The following SLC36A1 variants were observed in gnomAD, a reference collection of about 807,000 sequenced individuals.
SLC36A1 encodes proton-coupled amino acid transporter 1.
SLC36A1 carries 30 observed loss-of-function variants against 47.5 expected under a neutral mutation model. The observed-to-expected ratio is 0.63, with a 90% CI of 0.47 to 0.86. The LOEUF (loss-of-function observed/expected upper bound fraction) is 0.86. Ranked by LOEUF, SLC36A1 falls within the 40% of genes least tolerant of loss-of-function variation. The pLI is 0.00. For synonymous variants in SLC36A1, 255 were observed against 249.7 expected, an observed-to-expected ratio of 1.02 and a Z score of -0.20; for missense variants, 517 against 606.0, an observed-to-expected ratio of 0.85 and a Z score of 1.54.
the SLC36A1 span, among the ~76,000 whole-genome samples, chr5:151,379,351 G>T: frequency 6.6e-6 from 1 of 152,136 alleles, no homozygotes. Context: ...TTATTTATTT[G>T]AGACAGAGTT....
the SLC36A1 span, chr5:151,540,880 C>T: frequency 1.1e-6 from 1 of 894,286 alleles, no homozygotes; most frequent in Non-Finnish European, 1.6e-6. Flanking sequence ...GCAAACATTT[C>T]CTTCCTTAAC....
chr5:151,401,062 C>A, the SLC36A1 span, among the ~76,000 whole-genome samples: 1 of 152,070 alleles, frequency 6.6e-6, no homozygotes, highest in Non-Finnish European at 1.5e-5. Context: ...GTTGTAATTG[C>A]TTTTGAGGGC....
chr5:151,481,681 T>TC (rs767560177), intron 10 of SLC36A1, among the ~76,000 whole-genome samples: 4 of 151,592 alleles, frequency 2.6e-5, no homozygotes, highest in Non-Finnish European at 5.9e-5. Context: ...CTCACCACTC[T>TC]CCCCCATCCT....
Position 151,492,198 on chromosome 5 carries a change from G to C in SLC36A1, c.*3944G>C, listed in dbSNP as rs1352384584. 1 of 152,192 alleles carries C rather than the reference G, an allele frequency of 6.6e-6. No individual in the cohort carries two copies. The highest frequency in any genetic ancestry group is 1.5e-5 in the Non-Finnish European group (1 of 68,044). 9.4% of individuals were successfully genotyped at this position (152,192 alleles called of 1,614,324 possible). A position where few individuals can be genotyped will look rare whatever the true frequency, so the allele number is the denominator to read the frequency against. Reference sequence around the variant, plus strand: ...TGTGTGAAGAAAAATCAACCAATCTGTAGGTGTTGATAACTAGACAGTACT... The same window carrying C: ...TGTGTGAAGAAAAATCAACCAATCTCTAGGTGTTGATAACTAGACAGTACT... On this transcript the variant is annotated 3_prime_UTR_variant, in exon 11 of 11. Transcript: ENST00000243389.
At chr5:151,518,060 G>A in the SLC36A1 span, among the ~76,000 whole-genome samples, 1 of 152,174 alleles carries the variant, frequency 6.6e-6, no homozygotes, top group African/African-American at 2.4e-5. Context: ...TCCAGGTGAG[G>A]TGGCTCATGC....
the SLC36A1 span, among the ~76,000 whole-genome samples, chr5:151,514,554 G>A: frequency 2.0e-5 from 3 of 152,210 alleles, no homozygotes; most frequent in African/African-American, 7.2e-5. Flanking sequence ...TTGCTCACGA[G>A]CCTCTCTTTA....
the SLC36A1 span, among the ~76,000 whole-genome samples, chr5:151,428,285 A>T: frequency 4.6e-5 from 7 of 152,174 alleles, no homozygotes; most frequent in Non-Finnish European, 1.0e-4. Flanking sequence ...GATGACCTCC[A>T]TGGTGTTGTC....
At chr5:151,524,981 A>G in the SLC36A1 span, among the ~76,000 whole-genome samples, 1 of 152,044 alleles carries the variant, frequency 6.6e-6, no homozygotes, top group Admixed American at 6.6e-5. Context: ...TTATCTGTTT[A>G]TTGTTTATCT....
At chr5:151,382,262 CT>C in the SLC36A1 span, 1 of 1,326,142 alleles carries the variant, frequency 7.5e-7, no homozygotes, top group Non-Finnish European at 1.1e-6. Flanking sequence ...AGCCTGGGAG[CT>C]ACATAGCACA....
the SLC36A1 span, chr5:151,543,119 G>A: frequency 6.2e-7 from 1 of 1,614,180 alleles, no homozygotes; most frequent in Non-Finnish European, 8.5e-7. Context: ...GAGTTCCAGT[G>A]AGGAGGGCCT....
intron 9 of SLC36A1, 82 bp downstream of exon 9, chr5:151,476,838 CT>C: frequency 6.6e-7 from 1 of 1,524,414 alleles, no homozygotes; most frequent in South Asian, 1.2e-5. Context: ...CTCCCTCTTA[CT>C]TATCTCTTAA....
chr5:151,437,240 G>C (rs2127437780), intron 1 of SLC36A1: 1 of 152,308 alleles, frequency 6.6e-6, no homozygotes, highest in South Asian at 2.1e-4. Context: ...TAGGTAGAAA[G>C]GGGCTACAGC....
At chr5:151,510,042 G>C in the SLC36A1 span, 3 of 1,614,082 alleles carry the variant, frequency 1.9e-6, no homozygotes, top group Non-Finnish European at 2.5e-6. Context: ...GTAAGGATGA[G>C]GGCAGTTACA....
rs1759830211 is a variant in SLC36A1, at chr5:151,488,268, T to G, written c.*14T>G. The G allele has an allele frequency of 6.2e-7, 1 of 1,612,152 alleles. No individual in the cohort carries two copies. The highest frequency in any genetic ancestry group is 1.7e-5 in the Admixed American group (1 of 59,904). ...GCCTTCATATAGGGATCTGGGTTCG[T>G]CTCTGCAGCTGCCTACCCCTGCCCC... On this transcript the variant is annotated 3_prime_UTR_variant, in exon 11 of 11. Coordinates refer to ENST00000243389, the MANE Select transcript of SLC36A1 (RefSeq NM_078483.4).
chr5:151,534,732 G>A, the SLC36A1 span: 1 of 1,111,600 alleles, frequency 9.0e-7, no homozygotes, highest in Non-Finnish European at 1.3e-6. Flanking sequence ...GACAAACCCA[G>A]CCACACAGAG....
At chr5:151,381,220 AG>A in the SLC36A1 span, 1 of 340,354 alleles carries the variant, frequency 2.9e-6, no homozygotes, top group Non-Finnish European at 5.9e-6. Context: ...CCTCCTCCTC[AG>A]GAATGAGCCT....
chr5:151,526,012 G>A, the SLC36A1 span: 1 of 1,583,832 alleles, frequency 6.3e-7, no homozygotes. Context: ...ATGAGTCCCG[G>A]TCCTTCCTTT....
At chr5:151,529,808 C>T in the SLC36A1 span, among the ~76,000 whole-genome samples, 1 of 152,148 alleles carries the variant, frequency 6.6e-6, no homozygotes, top group East Asian at 1.9e-4. Context: ...TGACAGACCT[C>T]AGGGCATAAA....
chr5:151,386,894 A>T, the SLC36A1 span, among the ~76,000 whole-genome samples: 1 of 152,188 alleles, frequency 6.6e-6, no homozygotes, highest in African/African-American at 2.4e-5. Flanking sequence ...TTTGCCTCCA[A>T]AGAACCTAAC....
Sources: gnomAD v4.1 joint callset for allele counts (sites outside exome capture counted in the v4.1 genomes callset) on GRCh38, gnomAD v4.1.1 for gene constraint, MANE v1.5 for transcripts, NCBI Gene and HGNC (gene_info 2026-07-23, HGNC 2026-07-21) for gene names.